The following ZNF451 variants were observed in gnomAD, a reference collection of about 807,000 sequenced individuals.
ZNF451 encodes the protein zinc finger protein 451.
A neutral mutation model predicts 107.1 loss-of-function variants in ZNF451; 80 were observed. The ratio of observed to expected loss-of-function variants is 0.75; its 90% CI spans 0.62 to 0.90. The LOEUF is 0.90. ZNF451 is among the 40% of genes least tolerant of loss of function. ZNF451 has a pLI of 0.00. For missense variants in ZNF451, 1,107 were observed against 1,236.2 expected (o/e 0.90, Z 1.57); for synonymous variants, 362 against 406.5 (o/e 0.89, Z 1.32).
At chr6:57,096,767 CTTTTTTTTTTTTTTT>C (rs772840052) in intron 2 of ZNF451, among the ~76,000 whole-genome samples, 1 of 79,932 alleles carries the variant, frequency 1.3e-5, no homozygotes, top group Non-Finnish European at 2.5e-5. Context: ...AATTTTCAGT[CTTTTTTTTTTTTTTT>C]TTTTTTTTTT....
Position 57,099,135 on chromosome 6 carries a change from T to C in ZNF451, c.180T>C (p.Tyr60=), listed in dbSNP as rs1164619862. ...SSDDEEPSTS[Y]TDENIKRKDH... ...ATGATGAAGAGCCTAGCACCTCTTA[T>C]ACTGATGTAAGTACATTATATTTGA... The change falls in exon 3 of 15, where the codon TAT becomes TAC. Residue 60 remains tyrosine, a synonymous_variant. Transcript: ENST00000370706. 5 of 1,606,208 alleles carry C rather than the reference T, an allele frequency of 3.1e-6. No homozygotes were observed. The East Asian group carries it at 6.7e-5, about 21-fold the overall frequency.
intron 3 of ZNF451, chr6:57,104,754 T>A (rs1246568250): frequency 1.0e-6 from 1 of 985,426 alleles, no homozygotes; most frequent in East Asian, 1.1e-4. Context: ...CCTCCTGTGA[T>A]ATTTATGTTG....
intron 3 of ZNF451, chr6:57,101,866 C>T: frequency 6.4e-7 from 1 of 1,550,536 alleles, no homozygotes; most frequent in Non-Finnish European, 8.7e-7. Flanking sequence ...TGGTACTTCC[C>T]TTTTTGGACA....
rs1478021817 is a variant in ZNF451, at chr6:57,147,394, A to C, written c.1309A>C (p.Ser437Arg). 2.7e-5 allele frequency: 44 copies of C among 1,614,012 alleles called. No individual in the cohort carries two copies. The East Asian group carries it at 9.8e-4, about 36-fold the overall frequency. ...AAGAACCATGTCTATTAAAGAATCT[A>C]GCTCACTGGAGTGCATTGCCATTCC... ...LKRTMSIKES[S>R]SLECIAIPKK... The change falls in exon 10 of 15, where the codon AGC becomes CGC. Residue 437 changes from serine (S) to arginine (R), a missense_variant. This residue lies in a region of ZNF451 where 608 missense variants were observed against 649.2 expected (regional missense o/e 0.94). Coordinates refer to ENST00000370706, the MANE Select transcript of ZNF451 (RefSeq NM_001031623.3).
chr6:57,134,945 G>A lies in ZNF451; in HGVS notation c.702+75G>A, dbSNP rs540685355. 5.4e-4 allele frequency: 696 copies of A among 1,283,188 alleles called. 1 individual carries two copies. The highest frequency in any genetic ancestry group is 7.1e-4 in the Non-Finnish European group (657 of 931,022). The allele number at this position is 1,283,188 out of a possible 1,614,324, so 79.5% of individuals were successfully genotyped here. ...AGTTAAGTGGAGGTTTTTTCCTGCT[G>A]TTCTTAAGCTTGCAATTACCAGTGA... is the stretch of plus-strand genomic sequence containing the variant. On this transcript the variant is annotated intron_variant, in intron 7 of 14. Coordinates refer to ENST00000370706, the MANE Select transcript of ZNF451 (RefSeq NM_001031623.3).
chr6:57,140,553 C>A (rs1362452645), intron 7 of ZNF451, among the ~76,000 whole-genome samples: 1 of 151,692 alleles, frequency 6.6e-6, no homozygotes, highest in East Asian at 1.9e-4. Flanking sequence ...TATATATACC[C>A]ATTAGCCCTG....
chr6:57,095,805 CT>C (rs751828785), intron 2 of ZNF451, among the ~76,000 whole-genome samples: 14 of 150,956 alleles, frequency 9.3e-5, no homozygotes, highest in Admixed American at 4.0e-4. Flanking sequence ...ATTACTGCAG[CT>C]TTTTTTTTTT....
intron 3 of ZNF451, chr6:57,105,484 TGTA>T (rs1829809799): frequency 1.0e-6 from 1 of 985,208 alleles, no homozygotes; most frequent in Admixed American, 6.1e-5. Context: ...GATTTAATCT[TGTA>T]GTTTATCATT....
chr6:57,145,734 C>T (rs1832032236), intron 9 of ZNF451, among the ~76,000 whole-genome samples: 1 of 152,114 alleles, frequency 6.6e-6, no homozygotes, highest in Admixed American at 6.6e-5. Context: ...TTCATTATCG[C>T]TATTGTCAAT....
intron 3 of ZNF451, chr6:57,101,405 C>T: frequency 6.4e-7 from 1 of 1,550,728 alleles, no homozygotes; most frequent in Non-Finnish European, 8.7e-7. Context: ...AGGGTATATC[C>T]TGTGGCCAAG....
chr6:57,141,582 T>A (rs374731515), intron 8 of ZNF451, 127 bp downstream of exon 8: 9 of 891,554 alleles, frequency 1.0e-5, no homozygotes, highest in Non-Finnish European at 1.4e-5. Context: ...AGTAAAAGAT[T>A]ATCTCAATTC....
chr6:57,107,055 A>G, intron 3 of ZNF451: 1 of 977,776 alleles, frequency 1.0e-6, no homozygotes, highest in Non-Finnish European at 1.2e-6. Flanking sequence ...GTTTTTTGTT[A>G]TAATGAAAAC....
intron 7 of ZNF451, among the ~76,000 whole-genome samples, chr6:57,138,444 A>T (rs184981966): frequency 6.6e-6 from 1 of 151,280 alleles, no homozygotes; most frequent in Admixed American, 6.6e-5. Flanking sequence ...TTGTATTTTT[A>T]GTAGAGACGG....
chr6:57,097,903 G>A (rs941162028), intron 2 of ZNF451, among the ~76,000 whole-genome samples: 4 of 151,518 alleles, frequency 2.6e-5, no homozygotes, highest in Non-Finnish European at 5.9e-5. Flanking sequence ...AAAACTTAGA[G>A]ATCACTGACT....
Position 57,124,934 on chromosome 6 carries a change from C to CA in ZNF451, c.312+82dup, listed in dbSNP as rs1218400582. 6 of 1,039,994 alleles carry CA rather than the reference C, an allele frequency of 5.8e-6. No individual in the cohort carries two copies. The East Asian group carries it at 1.6e-4, about 28-fold the overall frequency. The allele number at this position is 1,039,994 out of a possible 1,614,324, so 64.4% of individuals were successfully genotyped here. On this transcript the variant is annotated intron_variant, in intron 4 of 14. Coordinates refer to ENST00000370706, the MANE Select transcript of ZNF451 (RefSeq NM_001031623.3). ...ATAAAGTTGGTAAAAAGCCTTTAATCAAAAAAAGATATGATTTAATCAAAG... is the reference window on the plus strand; with the variant it reads ...ATAAAGTTGGTAAAAAGCCTTTAATCAAAAAAAAGATATGATTTAATCAAAG...
chr6:57,142,565 G>A (rs1831824420), intron 9 of ZNF451, among the ~76,000 whole-genome samples: 1 of 152,184 alleles, frequency 6.6e-6, no homozygotes, highest in South Asian at 2.1e-4. Context: ...GTAGTATTGT[G>A]TGAATATAGC....
chr6:57,155,950 A>G (rs1384335360), intron 13 of ZNF451, among the ~76,000 whole-genome samples: 2 of 151,278 alleles, frequency 1.3e-5, no homozygotes, highest in Non-Finnish European at 2.9e-5. Flanking sequence ...GAAGAAGGAT[A>G]TGGGCTTTGG....
chr6:57,118,741 C>T (rs1055921460), intron 3 of ZNF451, among the ~76,000 whole-genome samples: 16 of 152,172 alleles, frequency 1.1e-4, no homozygotes, highest in African/African-American at 3.9e-4. Flanking sequence ...GCCTCAGCTC[C>T]CAAAGTGCTG....
chr6:57,123,608 C>G (rs551940572), intron 3 of ZNF451, among the ~76,000 whole-genome samples: 1 of 151,792 alleles, frequency 6.6e-6, no homozygotes, highest in East Asian at 1.9e-4. Flanking sequence ...GGCCAAACTT[C>G]GGCACCATGC....
Sources: allele counts gnomAD v4.1 joint callset (sites outside exome capture counted in the v4.1 genomes callset), GRCh38; gene constraint gnomAD v4.1.1; regional missense constraint gnomAD v4.1.1; transcripts MANE v1.5; gene names NCBI Gene and HGNC (gene_info 2026-07-23, HGNC 2026-07-21).